The following FSTL4 variants were observed in gnomAD, a reference collection of about 807,000 sequenced individuals.
FSTL4 encodes follistatin-related protein 4.
In FSTL4, 28 loss-of-function variants were observed where a neutral mutation model predicts 78.2. The ratio of observed to expected loss-of-function variants is 0.36; its 90% CI spans 0.27 to 0.49. FSTL4 has a LOEUF of 0.49. Among genes scored for constraint, FSTL4 ranks in the 20% least tolerant of loss-of-function variants. FSTL4 has a pLI of 0.98. For synonymous variants in FSTL4, 422 were observed against 440.5 expected (o/e 0.96, Z 0.53); for missense variants, 922 against 1,084.9 (o/e 0.85, Z 2.11).
At chr5:133,733,558 A>G in the FSTL4 span, among the ~76,000 whole-genome samples, 1 of 152,318 alleles carries the variant, frequency 6.6e-6, no homozygotes, top group East Asian at 1.9e-4. Flanking sequence ...AAAAATCCAG[A>G]TGGTGGGACA....
At chr5:133,688,734 A>G in the FSTL4 span, among the ~76,000 whole-genome samples, 1 of 152,182 alleles carries the variant, frequency 6.6e-6, no homozygotes, top group Non-Finnish European at 1.5e-5. Flanking sequence ...TCCTCAGTAA[A>G]CATGTGACTG....
intron 3 of FSTL4, among the ~76,000 whole-genome samples, chr5:133,483,364 C>T (rs757104242): frequency 3.9e-5 from 6 of 152,180 alleles, no homozygotes; most frequent in African/African-American, 9.6e-5. Context: ...GACAGAAGGC[C>T]GGCCTTGTTC....
intron 2 of FSTL4, among the ~76,000 whole-genome samples, chr5:133,588,186 A>C (rs1437315103): frequency 9.9e-5 from 12 of 121,230 alleles, no homozygotes; most frequent in African/African-American, 3.0e-4. Context: ...AAAACCCTAG[A>C]AGAAAACCTA....
chr5:133,652,717 A>G, the FSTL4 span, among the ~76,000 whole-genome samples: 1 of 152,336 alleles, frequency 6.6e-6, no homozygotes, highest in East Asian at 1.9e-4. Context: ...TGAACTTGAG[A>G]AGACTGCGTA....
the FSTL4 span, among the ~76,000 whole-genome samples, chr5:133,751,773 G>T: frequency 6.6e-6 from 1 of 152,216 alleles, no homozygotes; most frequent in Non-Finnish European, 1.5e-5. Context: ...GCTTTTGGGA[G>T]GTGCAACAGC....
intron 6 of FSTL4, 95 bp from the exon 7 acceptor site, chr5:133,249,671 G>T: frequency 1.1e-6 from 1 of 871,884 alleles, no homozygotes; most frequent in Non-Finnish European, 1.8e-6. Flanking sequence ...GGGTGGAAGA[G>T]GCCCAGAAGG....
chr5:133,391,605 G>T (rs1326773838), intron 4 of FSTL4, among the ~76,000 whole-genome samples: 1 of 152,222 alleles, frequency 6.6e-6, no homozygotes, highest in Non-Finnish European at 1.5e-5. Context: ...AACCCCATCA[G>T]CCCTCCGACT....
At chr5:133,759,071 G>T in the FSTL4 span, among the ~76,000 whole-genome samples, 1 of 152,180 alleles carries the variant, frequency 6.6e-6, no homozygotes. Flanking sequence ...CATTCAACGG[G>T]ATGGGAATAA....
the FSTL4 span, among the ~76,000 whole-genome samples, chr5:133,711,161 A>G: frequency 0.36 from 54,969 of 152,042 alleles, 11,334 homozygotes; most frequent in African/African-American, 0.57. Flanking sequence ...AGGTTCCCAG[A>G]GAGCTCTGTC....
intron 3 of FSTL4, among the ~76,000 whole-genome samples, chr5:133,403,164 A>C (rs1756276764): frequency 6.6e-6 from 1 of 152,278 alleles, no homozygotes; most frequent in Non-Finnish European, 1.5e-5. Context: ...GCCAGGACGC[A>C]GAGCATTGCC....
At chr5:133,636,812 C>T in the FSTL4 span, among the ~76,000 whole-genome samples, 1 of 152,078 alleles carries the variant, frequency 6.6e-6, no homozygotes, top group Non-Finnish European at 1.5e-5. Context: ...TAAAATCAAA[C>T]ATGAAAAAAC....
chr5:133,806,848 A>G, the FSTL4 span, among the ~76,000 whole-genome samples: 1 of 152,216 alleles, frequency 6.6e-6, no homozygotes, highest in Non-Finnish European at 1.5e-5. Context: ...CCTGCTCCGC[A>G]TAAATGGAAA....
chr5:133,473,105 C>G (rs1480821038), intron 3 of FSTL4, among the ~76,000 whole-genome samples: 1 of 152,202 alleles, frequency 6.6e-6, no homozygotes, highest in Non-Finnish European at 1.5e-5. Flanking sequence ...ACTTTTCCTC[C>G]CAGTAGGGGC....
chr5:133,648,674 A>G, the FSTL4 span, among the ~76,000 whole-genome samples: 1 of 152,206 alleles, frequency 6.6e-6, no homozygotes, highest in African/African-American at 2.4e-5. Context: ...CTGCAGGGCA[A>G]AGAAAGGGAC....
the FSTL4 span, among the ~76,000 whole-genome samples, chr5:133,654,391 C>T: frequency 1.3e-5 from 2 of 152,190 alleles, no homozygotes; most frequent in Non-Finnish European, 2.9e-5. Context: ...AGGCATGAAA[C>T]AGGGATTCTA....
chr5:133,485,209 G>T (rs188493130), intron 3 of FSTL4, among the ~76,000 whole-genome samples: 2 of 152,178 alleles, frequency 1.3e-5, no homozygotes, highest in East Asian at 3.8e-4. Context: ...TTCAGCAGCC[G>T]CTGCTGTAGG....
At chr5:133,441,689 G>C (rs750249155) in intron 3 of FSTL4, among the ~76,000 whole-genome samples, 5 of 152,182 alleles carry the variant, frequency 3.3e-5, no homozygotes, top group Admixed American at 2.0e-4. Context: ...GTCAGGACTA[G>C]AGAACTCAGA....
chr5:133,815,557 G>T, the FSTL4 span, among the ~76,000 whole-genome samples: 2 of 152,214 alleles, frequency 1.3e-5, no homozygotes, highest in African/African-American at 4.8e-5. Flanking sequence ...AAGGGTAATT[G>T]GCTGGCTCAT....
the FSTL4 span, among the ~76,000 whole-genome samples, chr5:133,726,255 C>T: frequency 2.0e-5 from 3 of 152,188 alleles, no homozygotes; most frequent in South Asian, 6.2e-4. Flanking sequence ...TCAGCCATGC[C>T]ACCTATCAAG....
Sources: gnomAD v4.1 joint callset for allele counts (sites outside exome capture counted in the v4.1 genomes callset) on GRCh38, gnomAD v4.1.1 for gene constraint, MANE v1.5 for transcripts, NCBI Gene and HGNC (gene_info 2026-07-23, HGNC 2026-07-21) for gene names.